DDX60L: variants seen among roughly 807,000 people sequenced by gnomAD.
DDX60L encodes the protein probable ATP-dependent RNA helicase DDX60-like.
Under a neutral mutation model 211.6 loss-of-function variants are expected in DDX60L, and 191 were observed. The ratio of observed to expected loss-of-function variants is 0.90; its 90% CI spans 0.80 to 1.02. The LOEUF is 1.02. Ranked by LOEUF, DDX60L falls within the 50% of genes least tolerant of loss-of-function variation. DDX60L has a pLI of 0.00. For synonymous variants in DDX60L, 706 were observed against 694.1 expected (o/e 1.02, Z -0.27); for missense variants, 2,007 against 1,984.1 (o/e 1.01, Z -0.22).
chr4:168,466,487 A>G (rs1020632038), intron 4 of DDX60L, among the ~76,000 whole-genome samples: 1 of 152,238 alleles, frequency 6.6e-6, no homozygotes, highest in African/African-American at 2.4e-5. Context: ...ATCAGGTTAT[A>G]GAATCAGAGA....
intron 4 of DDX60L, among the ~76,000 whole-genome samples, chr4:168,465,390 G>A (rs1276887811): frequency 6.6e-6 from 1 of 151,894 alleles, no homozygotes; most frequent in African/African-American, 2.4e-5. Flanking sequence ...GCATATCCTG[G>A]ATATTAATTC....
intron 27 of DDX60L, among the ~76,000 whole-genome samples, 151 bp from the exon 28 acceptor site, chr4:168,394,768 C>T (rs1369408102): frequency 6.6e-6 from 1 of 152,208 alleles, no homozygotes; most frequent in African/African-American, 2.4e-5. Flanking sequence ...TGTTTTATGA[C>T]TACGGAAACA....
chr4:168,399,395 GTAC>G (rs1438401875), intron 26 of DDX60L, among the ~76,000 whole-genome samples: 2 of 152,172 alleles, frequency 1.3e-5, no homozygotes, highest in African/African-American at 4.8e-5. Flanking sequence ...GCTGCTTGCA[GTAC>G]GCCTGGTCCA....
At chr4:168,387,820 T>A (rs576492276) in intron 29 of DDX60L, among the ~76,000 whole-genome samples, 1 of 152,280 alleles carries the variant, frequency 6.6e-6, no homozygotes, top group African/African-American at 2.4e-5. Context: ...TTAAGGACCT[T>A]TAATGTGTCT....
chr4:168,363,766 A>G (rs1739480630), intron 36 of DDX60L, among the ~76,000 whole-genome samples: 1 of 152,182 alleles, frequency 6.6e-6, no homozygotes, highest in Non-Finnish European at 1.5e-5. Flanking sequence ...AACCACAGAC[A>G]TAAACAACAA....
Position 168,419,186 on chromosome 4 carries a change from C to T in DDX60L, c.2610+116G>A, listed in dbSNP as rs1276504294. The T allele has an allele frequency of 1.1e-5, 7 of 631,274 alleles. No individual in the cohort carries two copies. The South Asian group carries it at 1.5e-4, about 13-fold the overall frequency. 39.1% of individuals were successfully genotyped at this position (631,274 alleles called of 1,614,324 possible). Reference sequence around the variant, plus strand: ...TATGCAATCTGTTTTCCATTGGTACCCTGGCTGACGCACAACTTAACTGCC... The same window carrying T: ...TATGCAATCTGTTTTCCATTGGTACTCTGGCTGACGCACAACTTAACTGCC... On this transcript the variant is annotated intron_variant, in intron 19 of 37. Transcript: ENST00000682922.
At chr4:168,440,588 G>A (rs1753684715) in intron 10 of DDX60L, among the ~76,000 whole-genome samples, 1 of 152,044 alleles carries the variant, frequency 6.6e-6, no homozygotes, top group Non-Finnish European at 1.5e-5. Flanking sequence ...TGTCCTCTCT[G>A]GAAAACCTTT....
chr4:168,409,104 C>A (rs1748243067), intron 22 of DDX60L, among the ~76,000 whole-genome samples: 1 of 152,174 alleles, frequency 6.6e-6, no homozygotes, highest in Non-Finnish European at 1.5e-5. Context: ...TATAAATGCA[C>A]ACCTCACAAA....
intron 4 of DDX60L, among the ~76,000 whole-genome samples, chr4:168,464,924 T>C (rs1757786540): frequency 6.6e-6 from 1 of 152,132 alleles, no homozygotes; most frequent in Admixed American, 6.6e-5. Context: ...TTTGTTTCCA[T>C]ATGTTGGCTA....
intron 34 of DDX60L, among the ~76,000 whole-genome samples, chr4:168,374,217 C>T (rs930227184): frequency 4.0e-5 from 6 of 151,894 alleles, no homozygotes; most frequent in African/African-American, 9.7e-5. Flanking sequence ...TTTCCCATCA[C>T]GACACAATCA....
In DDX60L at chr4:168,433,042, T is replaced by G. The variant is rs746054769; in HGVS notation, c.1368A>C (p.Gly456=). 2.8e-5 allele frequency: 45 copies of G among 1,609,160 alleles called. No homozygotes were observed. The highest frequency in any genetic ancestry group is 3.8e-5 in the Non-Finnish European group (45 of 1,177,426). ...GAATAGGCAAATCCTTCATCATATC[T>G]CCAACAAACTCATCAATTACAGCAG... ...MTSAVIDEFV[G]DMMKDLPILK... Residue 456 remains glycine, a synonymous_variant, in exon 11 of 38, where the codon GGA becomes GGC. Coordinates refer to ENST00000682922, the MANE Select transcript of DDX60L (RefSeq NM_001012967.3).
At chr4:168,475,819 G>T (rs1759403975) in intron 1 of DDX60L, among the ~76,000 whole-genome samples, 1 of 152,040 alleles carries the variant, frequency 6.6e-6, no homozygotes, top group Non-Finnish European at 1.5e-5. Context: ...TAAGGATAGG[G>T]TCCTTATCGG....
intron 29 of DDX60L, among the ~76,000 whole-genome samples, chr4:168,389,117 T>C (rs1240282389): frequency 6.6e-6 from 1 of 152,200 alleles, no homozygotes; most frequent in African/African-American, 2.4e-5. Flanking sequence ...CACAGCCTTG[T>C]GTAATCTGCT....
intron 7 of DDX60L, among the ~76,000 whole-genome samples, chr4:168,453,935 A>G (rs1423111343): frequency 6.6e-6 from 1 of 152,164 alleles, no homozygotes; most frequent in East Asian, 1.9e-4. Context: ...TCCAAAAACA[A>G]TTAGGCAAAT....
rs564726117 is a variant in DDX60L at position 168,458,631 on chromosome 4, C to T, written c.607-623G>A. Among the ~76,000 whole-genome samples, 9 of 152,156 alleles carry T rather than the reference C, an allele frequency of 5.9e-5. No individual in the cohort carries two copies. In the South Asian group the frequency reaches 1.9e-3, roughly 32 times the overall value. On this transcript the variant is annotated intron_variant, in intron 5 of 37. Coordinates refer to ENST00000682922, the MANE Select transcript of DDX60L (RefSeq NM_001012967.3). The stretch of plus-strand genomic sequence containing the variant: ...GAACACATGGACACAGGGAAAGGAA[C>T]AACACACACTAGGGCCTGTTGGGGG...
In DDX60L at chr4:168,423,652, A is replaced by C. The variant is rs1043027975; in HGVS notation, c.2053T>G (p.Tyr685Asp). 5 of 1,597,650 alleles carry C rather than the reference A, an allele frequency of 3.1e-6. No individual in the cohort carries two copies. The African/African-American group carries it at 6.7e-5, about 21-fold the overall frequency. ...HHQYIAKCLKYLGFNDLANSL... is the reference protein window; with the variant it reads ...HHQYIAKCLKDLGFNDLANSL... Reference sequence around the variant, plus strand: ...TTTGCCAGATCATTAAAGCCTAAATATTTAAGGCATTTAGCTATATATTGA... The same window carrying C: ...TTTGCCAGATCATTAAAGCCTAAATCTTTAAGGCATTTAGCTATATATTGA... The change falls in exon 15 of 38, where the codon TAT becomes GAT. Residue 685 changes from tyrosine to aspartate, a missense_variant. Transcript: ENST00000682922.
At chr4:168,439,042 A>G (rs1259205325) in intron 10 of DDX60L, among the ~76,000 whole-genome samples, 1 of 152,200 alleles carries the variant, frequency 6.6e-6, no homozygotes, top group Non-Finnish European at 1.5e-5. Context: ...AAGAGTTAAC[A>G]TGCCGTTGGT....
rs140103881 is a variant in DDX60L at position 168,473,164 on chromosome 4, G to A, written c.-110-355C>T. Among the ~76,000 whole-genome samples, 13 of 152,300 alleles carry A rather than the reference G, an allele frequency of 8.5e-5. No homozygotes were observed. The East Asian group carries it at 1.5e-3, about 18-fold the overall frequency. On this transcript the variant is annotated intron_variant, in intron 1 of 37. Coordinates refer to ENST00000682922, the MANE Select transcript of DDX60L (RefSeq NM_001012967.3). Reference sequence around the variant, plus strand: ...CAAGATTCAGAAAAGAAGTTAGTGCGGCTGCAGCAGAGGGTAAGGCTGTGT... The same window carrying A: ...CAAGATTCAGAAAAGAAGTTAGTGCAGCTGCAGCAGAGGGTAAGGCTGTGT...
At chr4:168,429,026 T>A (rs1267008100) in intron 13 of DDX60L, among the ~76,000 whole-genome samples, 1 of 152,194 alleles carries the variant, frequency 6.6e-6, no homozygotes, top group Non-Finnish European at 1.5e-5. Context: ...ATAAATGACT[T>A]AAAAACATGG....
Sources: allele counts gnomAD v4.1 joint callset (sites outside exome capture counted in the v4.1 genomes callset), GRCh38; gene constraint gnomAD v4.1.1; transcripts MANE v1.5; gene names NCBI Gene and HGNC (gene_info 2026-07-23, HGNC 2026-07-21).